The following GBF1 variants were observed in gnomAD, a reference collection of about 807,000 sequenced individuals.
GBF1 encodes the protein golgi brefeldin A resistant guanine nucleotide exchange factor 1, also known as Golgi-specific brefeldin A-resistance guanine nucleotide exchange factor 1.
GBF1 carries 114 observed loss-of-function variants against 210.5 expected under a neutral mutation model. The ratio of observed to expected loss-of-function variants is 0.54; its 90% confidence interval spans 0.47 to 0.63. The LOEUF (loss-of-function observed/expected upper bound fraction) is 0.63. Among genes scored for constraint, GBF1 ranks in the 30% least tolerant of loss-of-function variants. GBF1 has a pLI of 0.00. For synonymous variants in GBF1, 850 were observed against 889.2 expected, an observed-to-expected ratio of 0.96 and a Z score of 0.78; for missense variants, 1,851 against 2,357.7, an observed-to-expected ratio of 0.79 and a Z score of 4.45.
At chr10:102,279,855 C>T (rs904197063) in intron 3 of GBF1, among the ~76,000 whole-genome samples, 26 of 152,154 alleles carry the variant, frequency 1.7e-4, no homozygotes, top group South Asian at 2.1e-4. Context: ...AAGTGGCTTA[C>T]GCCTGTAATG....
chr10:102,285,136 CACAGATTTT>C (rs895317143), intron 3 of GBF1, among the ~76,000 whole-genome samples: 1 of 152,184 alleles, frequency 6.6e-6, no homozygotes, highest in African/African-American at 2.4e-5. Flanking sequence ...AAACAGCGAA[CACAGATTTT>C]ACAGATTTTA....
chr10:102,323,063 C>T (rs2056563011), intron 3 of GBF1, among the ~76,000 whole-genome samples: 1 of 151,974 alleles, frequency 6.6e-6, no homozygotes, highest in South Asian at 2.1e-4. Flanking sequence ...CCCAGCTGAA[C>T]ACCTCTTCTC....
At chr10:102,289,460 T>C (rs1409389396) in intron 3 of GBF1, among the ~76,000 whole-genome samples, 2 of 151,958 alleles carry the variant, frequency 1.3e-5, no homozygotes, top group Non-Finnish European at 2.9e-5. Context: ...CATGGTGGCA[T>C]GCGCCTGTAA....
At position 102,360,180 on chromosome 10, in the gene GBF1, C is replaced by CCAGG; in HGVS notation, c.1181-1_1183dup. On this transcript the variant is annotated splice_polypyrimidine_tract_variant and splice_region_variant and intron_variant, in intron 11 of 39. Transcript: ENST00000369983. ...AGTCTCACTCTCCTCCTGGCCTTCCCCAGGCACAGCTTTGGTCCCCTATGG... is the reference window on the plus strand; with the variant it reads ...AGTCTCACTCTCCTCCTGGCCTTCCCCAGGCAGGCACAGCTTTGGTCCCCTATGG... 1 of 1,603,986 alleles carries CCAGG rather than the reference C, an allele frequency of 6.2e-7. No individual in the cohort carries two copies. The highest frequency in any genetic ancestry group is 8.5e-7 in the Non-Finnish European group (1 of 1,170,764).
intron 3 of GBF1, among the ~76,000 whole-genome samples, chr10:102,303,751 A>G (rs962730274): frequency 6.6e-6 from 1 of 152,168 alleles, no homozygotes; most frequent in African/African-American, 2.4e-5. Context: ...AATTATCTCA[A>G]ATATTATTGT....
At chr10:102,307,669 T>C (rs1464110373) in intron 3 of GBF1, among the ~76,000 whole-genome samples, 1 of 152,158 alleles carries the variant, frequency 6.6e-6, no homozygotes, top group East Asian at 1.9e-4. Flanking sequence ...CGGGTGCCTA[T>C]AGTCCCAGCT....
intron 29 of GBF1, among the ~76,000 whole-genome samples, chr10:102,373,685 G>A (rs2060336875): frequency 6.6e-6 from 1 of 152,212 alleles, no homozygotes; most frequent in Non-Finnish European, 1.5e-5. Context: ...ATATTGCTGG[G>A]TGGGAATGTA....
chr10:102,261,268 G>GTA (rs1473165199), intron 3 of GBF1, among the ~76,000 whole-genome samples: 23 of 151,106 alleles, frequency 1.5e-4, no homozygotes, highest in African/African-American at 4.6e-4. Flanking sequence ...TTTATTTTAT[G>GTA]TATATATATA....
At chr10:102,351,458 T>C in intron 5 of GBF1, 84 bp downstream of exon 5, 1 of 843,254 alleles carries the variant, frequency 1.2e-6, no homozygotes, top group Non-Finnish European at 2.1e-6. Flanking sequence ...AGCATGAAAC[T>C]GTGTTTTGAC....
chr10:102,237,364 T>C, the GBF1 span, among the ~76,000 whole-genome samples: 12 of 152,106 alleles, frequency 7.9e-5, no homozygotes, highest in African/African-American at 2.9e-4. Flanking sequence ...ATCAGCAGTG[T>C]TGGGAATAAG....
chr10:102,362,471 C>T lies in GBF1; in HGVS notation c.1687-4C>T. 6.3e-7 allele frequency: 1 copy of T among 1,598,680 alleles called. No individual in the cohort carries two copies. Among genetic ancestry groups the T allele is most frequent in the Non-Finnish European group, 8.6e-7 (1 of 1,167,094 alleles). ...CAAGTCCAATTGATCTGTTTACTTT[C>T]CAGAATGCCTTCCCTGTGTCTGGTC... On this transcript the variant is annotated splice_polypyrimidine_tract_variant and splice_region_variant and intron_variant, in intron 14 of 39. Transcript: ENST00000369983.
intron 2 of GBF1, 125 bp downstream of exon 2, chr10:102,259,159 T>C (rs2134009114): frequency 1.6e-6 from 1 of 629,324 alleles, no homozygotes; most frequent in Non-Finnish European, 2.9e-6. Context: ...TTGTTCTTGA[T>C]ATCTTGTTTT....
chr10:102,376,217 TCATCCCAGTGCCC>T, intron 30 of GBF1, 42 bp from the exon 31 acceptor site: 1 of 1,402,466 alleles, frequency 7.1e-7, no homozygotes, highest in South Asian at 1.2e-5. Context: ...GATTTATCCC[TCATCCCAGTGCCC>T]CATCCCCACC....
At chr10:102,343,897 T>A (rs1228885059) in intron 3 of GBF1, among the ~76,000 whole-genome samples, 154 bp from the exon 4 acceptor site, 1 of 152,062 alleles carries the variant, frequency 6.6e-6, no homozygotes, top group Non-Finnish European at 1.5e-5. Context: ...GATAAAATGA[T>A]ACAGTGTCTG....
upstream of GBF1, chr10:102,241,403 CAGGGGCCGGGCACCCGGCCG>C (rs2070533054): frequency 6.5e-6 from 1 of 153,144 alleles, no homozygotes; most frequent in Non-Finnish European, 1.4e-5. This position sits in a 1 kb window ranked among gnomAD's most constrained non-coding sequence, Gnocchi z 6.7. Context: ...AGGCAGGGGC[CAGGGGCCGGGCACCCGGCCG>C]GAGTGGGGGC....
At chr10:102,324,008 G>T (rs1184565171) in intron 3 of GBF1, among the ~76,000 whole-genome samples, 6 of 151,964 alleles carry the variant, frequency 3.9e-5, no homozygotes. Flanking sequence ...CCTCATTATG[G>T]TTTGTCATAA....
rs568566610 is a variant in GBF1, at chr10:102,382,597, C to T, written c.*261C>T. The T allele has an allele frequency of 4.7e-6, 2 of 427,794 alleles. No homozygotes were observed. Among genetic ancestry groups the T allele is most frequent in the African/African-American group, 2.0e-5 (1 of 49,748 alleles). The allele number at this position is 427,794 out of a possible 1,614,324, so 26.5% of individuals were successfully genotyped here. ...CAGCTGTCATCTGCAGCCTCTGCCT[C>T]CAGCCCGGCAGCTCTGGGGAGGCAT... On this transcript the variant is annotated 3_prime_UTR_variant, in exon 40 of 40. Coordinates refer to ENST00000369983, the MANE Select transcript of GBF1 (RefSeq NM_001377137.1).
chr10:102,377,257 G>GA lies in GBF1; in HGVS notation c.4494+118dup, dbSNP rs1333564864. 1.7e-5 allele frequency: 12 copies of GA among 702,470 alleles called. No homozygotes were observed. In the African/African-American group the frequency reaches 1.8e-4, roughly 10 times the overall value. The allele number at this position is 702,470 out of a possible 1,614,324, so 43.5% of individuals were successfully genotyped here. A position where few individuals can be genotyped will look rare whatever the true frequency, so the allele number is the denominator to read the frequency against. On this transcript the variant is annotated intron_variant, in intron 33 of 39. Coordinates refer to ENST00000369983, the MANE Select transcript of GBF1 (RefSeq NM_001377137.1). ...CCCATGTGTGCCAGCCCAGGCCCTG[G>GA]ACCACCATCTTCACAATATTCCCTT...
intron 3 of GBF1, among the ~76,000 whole-genome samples, chr10:102,301,309 G>T (rs1373303411): frequency 6.6e-6 from 1 of 152,236 alleles, no homozygotes; most frequent in Non-Finnish European, 1.5e-5. Flanking sequence ...TAAGGTTATA[G>T]ATTAACAGCA....
Sources: allele counts gnomAD v4.1 joint callset (sites outside exome capture counted in the v4.1 genomes callset), GRCh38; gene constraint gnomAD v4.1.1; non-coding constraint Gnocchi (gnomAD v3.1); transcripts MANE v1.5; gene names NCBI Gene and HGNC (gene_info 2026-07-23, HGNC 2026-07-21).